AKT3: variants seen among roughly 807,000 people sequenced by gnomAD.
The protein encoded by AKT3 is RAC-gamma serine/threonine-protein kinase.
In AKT3, 15 loss-of-function variants were observed where a neutral mutation model predicts 65.3. That is an observed-to-expected ratio of 0.23 (90% CI 0.15 to 0.35). The LOEUF (loss-of-function observed/expected upper bound fraction) is 0.35. AKT3 is among the 10% of genes least tolerant of loss of function. AKT3 has a pLI of 1.00. For synonymous variants in AKT3, 206 were observed against 183.8 expected, an observed-to-expected ratio of 1.12 and a Z score of -0.98; for missense variants, 243 against 576.5, an observed-to-expected ratio of 0.42 and a Z score of 5.92.
At chr1:243,758,394 T>C (rs754887369) in intron 2 of AKT3, among the ~76,000 whole-genome samples, 1 of 151,978 alleles carries the variant, frequency 6.6e-6, no homozygotes, top group Non-Finnish European at 1.5e-5. Flanking sequence ...GGGAAAGAGT[T>C]TTCTTGACAT....
rs759552078 is a variant in AKT3, at chr1:243,843,217, A to G, written c.-47T>C. The G allele has an allele frequency of 7.0e-5, 112 of 1,605,774 alleles. 1 individual carries two copies. In the South Asian group the frequency reaches 1.0e-3, roughly 15 times the overall value. On this transcript the variant is annotated 5_prime_UTR_variant, in exon 2 of 14. Coordinates refer to ENST00000673466, the MANE Select transcript of AKT3 (RefSeq NM_005465.7). ...CAACTTGGAGAAATGGTACTTTGTG[A>G]TATCAGCTTTAGGGTTTGGATTCTC...
At chr1:243,608,743 C>CTTTTTTTTTTTTT (rs566574203) in intron 8 of AKT3, among the ~76,000 whole-genome samples, 2 of 70,806 alleles carry the variant, frequency 2.8e-5, no homozygotes, top group African/African-American at 6.5e-5. Context: ...AAGTTTTTTG[C>CTTTTTTTTTTTTT]TTTTTTTTTT....
chr1:243,752,946 A>G (rs1010202399), intron 2 of AKT3, among the ~76,000 whole-genome samples: 1 of 152,196 alleles, frequency 6.6e-6, no homozygotes, highest in Non-Finnish European at 1.5e-5. Flanking sequence ...AAGTGGGCAA[A>G]TGGAATTTTG....
chr1:243,609,936 C>A (rs776453313), intron 8 of AKT3, among the ~76,000 whole-genome samples: 2 of 152,092 alleles, frequency 1.3e-5, no homozygotes, highest in Non-Finnish European at 2.9e-5. Context: ...ACCAAAGTCC[C>A]ACCATCTATC....
chr1:243,544,690 GGTTTTTT>G (rs1320614761), intron 12 of AKT3, among the ~76,000 whole-genome samples: 84 of 110,364 alleles, frequency 7.6e-4, no homozygotes, highest in African/African-American at 2.2e-3. Context: ...AATTAGTAGT[GGTTTTTT>G]GTTTTTTGTT....
intron 2 of AKT3, among the ~76,000 whole-genome samples, chr1:243,727,946 A>G (rs1687315532): frequency 6.6e-6 from 1 of 152,222 alleles, no homozygotes; most frequent in South Asian, 2.1e-4. Context: ...GCACTCAGCT[A>G]CATCTCTCAA....
intron 8 of AKT3, among the ~76,000 whole-genome samples, chr1:243,606,966 T>C (rs1340134384): frequency 6.6e-6 from 1 of 152,248 alleles, no homozygotes; most frequent in African/African-American, 2.4e-5. Flanking sequence ...ATTGGCAGCT[T>C]CCATGTGGTG....
chr1:243,796,764 T>C (rs1165471184), intron 2 of AKT3, among the ~76,000 whole-genome samples: 1 of 152,126 alleles, frequency 6.6e-6, no homozygotes, highest in Admixed American at 6.5e-5. Flanking sequence ...ACAGACAAAA[T>C]GTGGTACATC....
intron 6 of AKT3, among the ~76,000 whole-genome samples, chr1:243,626,312 A>C (rs1354732210): frequency 6.6e-6 from 1 of 152,218 alleles, no homozygotes; most frequent in Non-Finnish European, 1.5e-5. Flanking sequence ...ACGGTTACTA[A>C]GAGATGGGAT....
chr1:243,686,657 T>A (rs1357183875), intron 3 of AKT3, among the ~76,000 whole-genome samples: 398 of 20,078 alleles, frequency 0.02, no homozygotes, highest in Non-Finnish European at 0.024. Context: ...ATATATTTTT[T>A]TTTTTTTTTT....
chr1:243,699,961 A>G (rs1685341914), intron 2 of AKT3, among the ~76,000 whole-genome samples: 2 of 152,160 alleles, frequency 1.3e-5, no homozygotes, highest in Admixed American at 6.5e-5. Context: ...AGAAGAGACA[A>G]CAAGTGGGTT....
In AKT3 at chr1:243,502,283, A is replaced by G; in HGVS notation, c.*2966T>C. 1 of 232,950 alleles carries G rather than the reference A, an allele frequency of 4.3e-6. No homozygotes were observed. Among genetic ancestry groups the G allele is most frequent in the Non-Finnish European group, 8.5e-6 (1 of 117,842 alleles). The allele number at this position is 232,950 out of a possible 1,614,324, so 14.4% of individuals were successfully genotyped here. A position where few individuals can be genotyped will look rare whatever the true frequency, so the allele number is the denominator to read the frequency against. ...GGCCCTTACTTTTGTACTCTAGGAGAAGCAAGTGGCCCCTGCAAGAACAGT... is the reference window on the plus strand; with the variant it reads ...GGCCCTTACTTTTGTACTCTAGGAGGAGCAAGTGGCCCCTGCAAGAACAGT... On this transcript the variant is annotated 3_prime_UTR_variant, in exon 14 of 14. Transcript: ENST00000673466.
intron 2 of AKT3, among the ~76,000 whole-genome samples, chr1:243,790,630 T>C (rs1462685565): frequency 6.6e-6 from 1 of 152,208 alleles, no homozygotes; most frequent in Non-Finnish European, 1.5e-5. Flanking sequence ...AAATTTCCCT[T>C]TGCATTCACT....
At chr1:243,627,739 A>G (rs1679289023) in intron 6 of AKT3, among the ~76,000 whole-genome samples, 1 of 152,230 alleles carries the variant, frequency 6.6e-6, no homozygotes, top group South Asian at 2.1e-4. Context: ...TTCTACAGGC[A>G]ACTAAAATTA....
chr1:243,690,282 A>G (rs1055213697), intron 3 of AKT3, among the ~76,000 whole-genome samples: 15 of 152,198 alleles, frequency 9.9e-5, no homozygotes, highest in African/African-American at 3.6e-4. Flanking sequence ...GCAAGCTAGT[A>G]AACTCAAGAG....
intron 2 of AKT3, among the ~76,000 whole-genome samples, chr1:243,810,770 A>T: frequency 6.6e-6 from 1 of 152,200 alleles, no homozygotes; most frequent in East Asian, 1.9e-4. Context: ...TCGATGCAAA[A>T]ATCCTCAATA....
chr1:243,831,572 G>A (rs563075268), intron 2 of AKT3, among the ~76,000 whole-genome samples: 39 of 152,222 alleles, frequency 2.6e-4, no homozygotes, highest in African/African-American at 8.9e-4. Context: ...TATAAAATGC[G>A]AACACAAACT....
At chr1:243,842,377 TGCC>T (rs1436113919) in intron 2 of AKT3, among the ~76,000 whole-genome samples, 1 of 152,194 alleles carries the variant, frequency 6.6e-6, no homozygotes, top group East Asian at 1.9e-4. Flanking sequence ...AAACAGTAGT[TGCC>T]TAGCAACTAA....
intron 2 of AKT3, among the ~76,000 whole-genome samples, chr1:243,836,910 CAAAAAAAAAA>C (rs779727098): frequency 1.8e-5 from 1 of 56,946 alleles, no homozygotes. Context: ...GACTCCATCT[CAAAAAAAAAA>C]AAAAAAAAGA....
Sources: gnomAD v4.1 joint callset for allele counts (sites outside exome capture counted in the v4.1 genomes callset) on GRCh38, gnomAD v4.1.1 for gene constraint, MANE v1.5 for transcripts, NCBI Gene and HGNC (gene_info 2026-07-23, HGNC 2026-07-21) for gene names.